The following RAD51B variants were observed in gnomAD, a reference collection of about 807,000 sequenced individuals.
RAD51B encodes the protein DNA repair protein RAD51 homolog 2.
Under a neutral mutation model 42.2 loss-of-function variants are expected in RAD51B, and 38 were observed. The observed-to-expected ratio is 0.90, with a 90% confidence interval of 0.70 to 1.18. RAD51B has a LOEUF of 1.18. Among genes scored for constraint, RAD51B ranks in the 50% most tolerant of loss-of-function variants. RAD51B has a pLI of 0.00. For synonymous variants in RAD51B, 154 were observed against 145.2 expected, an observed-to-expected ratio of 1.06 and a Z score of -0.43; for missense variants, 373 against 400.7, an observed-to-expected ratio of 0.93 and a Z score of 0.59.
In RAD51B at chr14:68,649,789, C is replaced by A. The variant is rs142923145; in HGVS notation, c.1037-992C>A. On this transcript the variant is annotated intron_variant, in intron 10 of 11. Coordinates refer to the RAD51B transcript ENST00000488612. ...GGGAGCAGATTGGCCATGATGAACA[C>A]CTTCCGCAAAGAGACCAACTGTCTT... Among the ~76,000 whole-genome samples the A allele has an allele frequency of 6.8e-3, 1,043 of 152,282 alleles. 6 individuals are homozygous for A. Among genetic ancestry groups the A allele is most frequent in the South Asian group, 0.045 (215 of 4,816 alleles).
intron 7 of RAD51B, among the ~76,000 whole-genome samples, chr14:68,135,860 A>C (rs75578298): frequency 0.017 from 2,606 of 152,328 alleles, 36 homozygotes; most frequent in African/African-American, 0.037. Context: ...AAGTTACCTC[A>C]GGGATGGCTG....
chr14:67,908,421 AC>A (rs1348168105), intron 7 of RAD51B: 1 of 152,222 alleles, frequency 6.6e-6, no homozygotes, highest in African/African-American at 2.4e-5. Flanking sequence ...AATGGTATCA[AC>A]AAAAAACATG....
At chr14:68,223,579 C>T (rs981504481) in intron 7 of RAD51B, among the ~76,000 whole-genome samples, 5 of 152,236 alleles carry the variant, frequency 3.3e-5, no homozygotes, top group Admixed American at 6.5e-5. Flanking sequence ...GCCATGATAA[C>T]TCATAGCTCC....
At chr14:68,308,494 C>T (rs1260583686) in intron 8 of RAD51B, among the ~76,000 whole-genome samples, 1 of 152,086 alleles carries the variant, frequency 6.6e-6, no homozygotes, top group Non-Finnish European at 1.5e-5. Flanking sequence ...AAAGGCCCTA[C>T]AAGCAGCTTA....
chr14:67,908,764 C>T (rs1011703881), intron 7 of RAD51B: 1 of 152,066 alleles, frequency 6.6e-6, no homozygotes, highest in African/African-American at 2.4e-5. Flanking sequence ...GTCTTGGACT[C>T]AGTTCTATGA....
At chr14:68,485,925 T>A (rs1883589183) in intron 10 of RAD51B, among the ~76,000 whole-genome samples, 1 of 152,224 alleles carries the variant, frequency 6.6e-6, no homozygotes, top group African/African-American at 2.4e-5. Context: ...AGAGAAATTG[T>A]GCTTTATATG....
At chr14:68,153,119 T>C (rs1200227786) in intron 7 of RAD51B, among the ~76,000 whole-genome samples, 1 of 152,180 alleles carries the variant, frequency 6.6e-6, no homozygotes, top group South Asian at 2.1e-4. Context: ...ATATACCCAG[T>C]AGTAGTATTG....
chr14:67,918,496 A>C (rs58265881), intron 7 of RAD51B, among the ~76,000 whole-genome samples: 15,187 of 152,238 alleles, frequency 0.1, 1,026 homozygotes, highest in Admixed American at 0.22. Context: ...CGGCCTCCCA[A>C]AATGCTGGGA....
chr14:68,258,879 A>G (rs1433245854), intron 7 of RAD51B, among the ~76,000 whole-genome samples: 1 of 152,242 alleles, frequency 6.6e-6, no homozygotes, highest in East Asian at 1.9e-4. Context: ...AAGAAAGAAG[A>G]ATCTTCTAGA....
At chr14:68,159,155 TAAC>T (rs10561518) in intron 7 of RAD51B, among the ~76,000 whole-genome samples, 2,379 of 152,048 alleles carry the variant, frequency 0.016, 70 homozygotes, top group African/African-American at 0.052. Flanking sequence ...GTAGATGTAA[TAAC>T]ATCAGCCATG....
intron 7 of RAD51B, among the ~76,000 whole-genome samples, chr14:68,269,225 T>C (rs1223569947): frequency 6.6e-6 from 1 of 152,206 alleles, no homozygotes; most frequent in Non-Finnish European, 1.5e-5. Context: ...CTCCTCACAA[T>C]CAGCACATTT....
chr14:68,466,951 C>T (rs1037240954), intron 9 of RAD51B, among the ~76,000 whole-genome samples: 1 of 152,322 alleles, frequency 6.6e-6, no homozygotes, highest in East Asian at 1.9e-4. Context: ...TCATAGTTGA[C>T]AGCAAATATT....
intron 10 of RAD51B, among the ~76,000 whole-genome samples, chr14:68,488,199 CTTTTTTTTTTT>C: frequency 9.2e-6 from 1 of 108,308 alleles, no homozygotes; most frequent in East Asian, 2.4e-4. Context: ...TAGGGTTTGT[CTTTTTTTTTTT>C]TTTTTTTTTT....
chr14:68,245,313 T>C (rs2080473119), intron 7 of RAD51B, among the ~76,000 whole-genome samples: 1 of 152,236 alleles, frequency 6.6e-6, no homozygotes, highest in Non-Finnish European at 1.5e-5. Context: ...TCAAATAGAC[T>C]TGCAACTATG....
At chr14:68,152,211 A>G (rs1340962842) in intron 7 of RAD51B, among the ~76,000 whole-genome samples, 1 of 152,176 alleles carries the variant, frequency 6.6e-6, no homozygotes, top group African/African-American at 2.4e-5. Flanking sequence ...AATTTGCTGC[A>G]TGAATGATAA....
chr14:68,093,374 C>T lies in RAD51B; in HGVS notation c.757-198510C>T, dbSNP rs575724614. Among the ~76,000 whole-genome samples the T allele has an allele frequency of 4.6e-5, 7 of 152,314 alleles. No homozygotes were observed. The South Asian group carries it at 1.2e-3, about 27-fold the overall frequency. ...AAGCTATTAATTATTGCCTCAATTTCAGAGCCTGTTATTGGACTATTCAGA... is the reference window on the plus strand; with the variant it reads ...AAGCTATTAATTATTGCCTCAATTTTAGAGCCTGTTATTGGACTATTCAGA... On this transcript the variant is annotated intron_variant, in intron 7 of 10. Coordinates refer to ENST00000471583, the MANE Select transcript of RAD51B (RefSeq NM_133510.4).
chr14:68,425,936 T>TTTTCTTTCTTTTTCTTTC (rs2084821358), intron 9 of RAD51B, among the ~76,000 whole-genome samples: 1 of 73,880 alleles, frequency 1.4e-5, no homozygotes, highest in Non-Finnish European at 3.0e-5. Context: ...AGGCCATTCT[T>TTTTCTTTCTTTTTCTTTC]TTTCTTTCTT....
At chr14:68,667,342 G>C (rs1381606372) in intron 11 of RAD51B, among the ~76,000 whole-genome samples, 1 of 152,228 alleles carries the variant, frequency 6.6e-6, no homozygotes. Flanking sequence ...GGAAACCTCA[G>C]CCTTTGCTCT....
chr14:68,340,071 T>C (rs1053399063), intron 8 of RAD51B, among the ~76,000 whole-genome samples: 6 of 152,238 alleles, frequency 3.9e-5, no homozygotes, highest in African/African-American at 1.4e-4. Context: ...TGGTTAGTAT[T>C]CAATAGTATT....
Sources: gnomAD v4.1 joint callset for allele counts (sites outside exome capture counted in the v4.1 genomes callset) on GRCh38, gnomAD v4.1.1 for gene constraint, MANE v1.5 for transcripts, NCBI Gene and HGNC (gene_info 2026-07-23, HGNC 2026-07-21) for gene names.